The following IPP variants were observed in gnomAD, a reference collection of about 807,000 sequenced individuals.
IPP encodes actin-binding protein IPP.
In IPP, 41 loss-of-function variants were observed where a neutral mutation model predicts 64.1. The observed-to-expected ratio is 0.64, with a 90% confidence interval of 0.50 to 0.83. The LOEUF (loss-of-function observed/expected upper bound fraction) is 0.83. Among genes scored for constraint, IPP ranks in the 40% least tolerant of loss-of-function variants. IPP has a pLI of 0.00. For synonymous variants in IPP, 214 were observed against 235.2 expected, an observed-to-expected ratio of 0.91 and a Z score of 0.83; for missense variants, 649 against 703.0, an observed-to-expected ratio of 0.92 and a Z score of 0.87.
At position 45,698,719 on chromosome 1, in the gene IPP, T is replaced by A; in HGVS notation, c.*1247A>T. 3.0e-5 allele frequency: 5 copies of A among 167,222 alleles called. No homozygotes were observed. The highest frequency in any genetic ancestry group is 3.9e-5 in the Non-Finnish European group (5 of 128,958). 10.4% of individuals were successfully genotyped at this position (167,222 alleles called of 1,614,324 possible). ...CAAAAAAGGAAGAATTTTTTTTTCTTTTTTTTTTTTTTTTTTTGAGACAGG... is the reference window on the plus strand; with the variant it reads ...CAAAAAAGGAAGAATTTTTTTTTCTATTTTTTTTTTTTTTTTTGAGACAGG... On this transcript the variant is annotated 3_prime_UTR_variant, in exon 9 of 9. Coordinates refer to ENST00000396478, the MANE Select transcript of IPP (RefSeq NM_005897.3).
At chr1:45,717,687 G>A (rs1001766479) in intron 6 of IPP, among the ~76,000 whole-genome samples, 2 of 151,900 alleles carry the variant, frequency 1.3e-5, no homozygotes, top group African/African-American at 2.4e-5. Context: ...AATTTTGTTT[G>A]TATTTTTAGT....
chr1:45,749,589 C>T (rs1341448717), intron 1 of IPP, among the ~76,000 whole-genome samples: 3 of 145,790 alleles, frequency 2.1e-5, no homozygotes, highest in African/African-American at 7.6e-5. Context: ...GGCACGATCT[C>T]GGCTCACTGC....
At chr1:45,701,728 A>G (rs980021883) in intron 8 of IPP, among the ~76,000 whole-genome samples, 2 of 152,236 alleles carry the variant, frequency 1.3e-5, no homozygotes, top group Non-Finnish European at 2.9e-5. Flanking sequence ...AATAAAGCAT[A>G]TGATGAACAA....
At chr1:45,738,852 A>ACAAAAAAAAC (rs1412311954) in intron 3 of IPP, among the ~76,000 whole-genome samples, 36 of 150,040 alleles carry the variant, frequency 2.4e-4, no homozygotes, top group African/African-American at 7.6e-4. Flanking sequence ...AAAAAAAAAA[A>ACAAAAAAAAC]AAAAAAAAAA....
rs769651889 is a variant in IPP, at chr1:45,746,418, G to C, written c.-7C>G. On this transcript the variant is annotated 5_prime_UTR_variant, in exon 2 of 9. Coordinates refer to ENST00000396478, the MANE Select transcript of IPP (RefSeq NM_005897.3). ...GACAGTCCTCATTAGCCATGATGACGGTAGATTAATTAAAAGGACTGTTGC... is the reference window on the plus strand; with the variant it reads ...GACAGTCCTCATTAGCCATGATGACCGTAGATTAATTAAAAGGACTGTTGC... 1 of 1,591,804 alleles carries C rather than the reference G, an allele frequency of 6.3e-7. No homozygotes were observed. The highest frequency in any genetic ancestry group is 8.6e-7 in the Non-Finnish European group (1 of 1,163,036).
At chr1:45,724,155 G>T (rs1319282861) in intron 5 of IPP, among the ~76,000 whole-genome samples, 7 of 151,818 alleles carry the variant, frequency 4.6e-5, no homozygotes, top group Non-Finnish European at 7.4e-5. Flanking sequence ...CTGGTTTTCG[G>T]TTTTTTTTGG....
In IPP at chr1:45,741,908, G is replaced by A. The variant is rs1646072263; in HGVS notation, c.293-576C>T. ...CTCCCAAAGTGCTGGGATTACAGGC[G>A]TGAGCCACCGCGCCCAGCCTTATTT... On this transcript the variant is annotated intron_variant, in intron 2 of 8. Transcript: ENST00000396478. 1.3e-5 allele frequency among the ~76,000 whole-genome samples: 2 copies of A among 151,462 alleles called. 1 individual carries two copies. The highest frequency in any genetic ancestry group is 2.9e-5 in the Non-Finnish European group (2 of 67,886).
chr1:45,716,957 T>G lies in IPP; in HGVS notation c.1247A>C (p.Lys416Thr). 1 of 1,613,302 alleles carries G rather than the reference T, an allele frequency of 6.2e-7. No individual in the cohort carries two copies. The highest frequency in any genetic ancestry group is 8.5e-7 in the Non-Finnish European group (1 of 1,179,436). ...TIERFDPDEN[K>T]WEVVGNMAVS... Reference sequence around the variant, plus strand: ...AGCCATGTTACCAACTACTTCCCATTTATTTTCATCAGGATCAAATCGTTC... The same window carrying G: ...AGCCATGTTACCAACTACTTCCCATGTATTTTCATCAGGATCAAATCGTTC... Residue 416 changes from lysine (K) to threonine (T), a missense_variant, in exon 7 of 9, where the codon AAA becomes ACA. Coordinates refer to ENST00000396478, the MANE Select transcript of IPP (RefSeq NM_005897.3).
At position 45,698,894 on chromosome 1, in the gene IPP, T is replaced by C. The variant is rs1343186766; in HGVS notation, c.*1072A>G. 3.0e-5 allele frequency: 10 copies of C among 333,560 alleles called. No homozygotes were observed. Among genetic ancestry groups the C allele is most frequent in the Non-Finnish European group, 4.3e-5 (10 of 234,486 alleles). The allele number at this position is 333,560 out of a possible 1,614,324, so 20.7% of individuals were successfully genotyped here. On this transcript the variant is annotated 3_prime_UTR_variant, in exon 9 of 9. Transcript: ENST00000396478. ...CCACAACGCCCGGCTAATTTTTATA[T>C]ATTTTTTGGTAGAGACGGAGTCTCA...
downstream of IPP, chr1:45,697,201 A>G (rs954167886): frequency 2.0e-5 from 3 of 152,214 alleles, no homozygotes; most frequent in Non-Finnish European, 4.4e-5. Flanking sequence ...TAATAAATGC[A>G]TATGGTTAAG....
chr1:45,738,832 T>C (rs1646015371), intron 3 of IPP, among the ~76,000 whole-genome samples: 1 of 52,480 alleles, frequency 1.9e-5, no homozygotes, highest in African/African-American at 6.9e-5. Flanking sequence ...AGAGCAAGAC[T>C]CCATCTCAAA....
At chr1:45,721,906 T>A (rs531911475) in intron 5 of IPP, among the ~76,000 whole-genome samples, 1 of 152,070 alleles carries the variant, frequency 6.6e-6, no homozygotes, top group East Asian at 1.9e-4. Flanking sequence ...CTGTCTCTAC[T>A]AAAAACACAA....
chr1:45,742,819 A>G (rs948455112), intron 2 of IPP, among the ~76,000 whole-genome samples: 2 of 151,362 alleles, frequency 1.3e-5, no homozygotes, highest in African/African-American at 2.4e-5. Context: ...ATTATACACA[A>G]TGCTAGTTTT....
intron 3 of IPP, among the ~76,000 whole-genome samples, chr1:45,739,933 C>G (rs1646037054): frequency 6.6e-6 from 1 of 150,894 alleles, no homozygotes; most frequent in Non-Finnish European, 1.5e-5. Flanking sequence ...AACAAGTGAA[C>G]AAAGGTCTCT....
At chr1:45,703,233 C>T (rs1002340244) in intron 8 of IPP, among the ~76,000 whole-genome samples, 10 of 150,344 alleles carry the variant, frequency 6.7e-5, no homozygotes, top group African/African-American at 2.0e-4. Flanking sequence ...GGACTACAGG[C>T]GTGCACTACC....
intron 5 of IPP, among the ~76,000 whole-genome samples, chr1:45,724,357 G>A (rs1242936658): frequency 6.6e-6 from 1 of 151,746 alleles, no homozygotes; most frequent in Non-Finnish European, 1.5e-5. Context: ...CGCCTGCCTT[G>A]GCCTCCCAAA....
At position 45,746,385 on chromosome 1, in the gene IPP, A is replaced by G. The variant is rs1429600301; in HGVS notation, c.27T>C (p.Ala9=). The change falls in exon 2 of 9, where the codon GCT becomes GCC. Residue 9 remains alanine (A), a synonymous_variant. Transcript: ENST00000396478. MANEDCPK[A]ADSPFSSDKH... The stretch of plus-strand genomic sequence containing the variant: ...TATCTGATGAAAAAGGACTATCAGC[A>G]GCCTTGGGACAGTCCTCATTAGCCA... 2 of 1,613,794 alleles carry G rather than the reference A, an allele frequency of 1.2e-6. No individual in the cohort carries two copies. The highest frequency in any genetic ancestry group is 4.5e-5 in the East Asian group (2 of 44,902).
intron 6 of IPP, among the ~76,000 whole-genome samples, chr1:45,717,473 C>G (rs1645676443): frequency 6.6e-6 from 1 of 151,894 alleles, no homozygotes; most frequent in Non-Finnish European, 1.5e-5. Flanking sequence ...AAAAAGGCCC[C>G]TTATCCCCAC....
At chr1:45,745,919 G>A (rs1646127378) in intron 2 of IPP, among the ~76,000 whole-genome samples, 3 of 152,116 alleles carry the variant, frequency 2.0e-5, no homozygotes, top group African/African-American at 7.2e-5. Context: ...ATCCTGGTTT[G>A]TAAATATGTG....
Sources: allele counts gnomAD v4.1 joint callset (sites outside exome capture counted in the v4.1 genomes callset), GRCh38; gene constraint gnomAD v4.1.1; transcripts MANE v1.5; gene names NCBI Gene and HGNC (gene_info 2026-07-23, HGNC 2026-07-21).